STAU2: variants seen among roughly 807,000 people sequenced by gnomAD.
STAU2 encodes double-stranded RNA-binding protein Staufen homolog 2.
In STAU2, 20 loss-of-function variants were observed where a neutral mutation model predicts 65.9. The observed-to-expected ratio is 0.30, with a 90% CI of 0.21 to 0.44. The LOEUF is 0.44. STAU2 is among the 20% of genes least tolerant of loss of function. STAU2 has a pLI of 1.00. For synonymous variants in STAU2, 232 were observed against 233.9 expected (o/e 0.99, Z 0.07); for missense variants, 558 against 683.9 (o/e 0.82, Z 2.05).
At chr8:73,742,948 T>C (rs1806987216) in intron 1 of STAU2, among the ~76,000 whole-genome samples, 1 of 152,156 alleles carries the variant, frequency 6.6e-6, no homozygotes, top group South Asian at 2.1e-4. Context: ...CATCCTACAG[T>C]TGATAGGCAA....
At chr8:73,536,320 G>GA (rs1306933431) in intron 13 of STAU2, among the ~76,000 whole-genome samples, 1 of 152,136 alleles carries the variant, frequency 6.6e-6, no homozygotes, top group Admixed American at 6.5e-5. Context: ...AGCAACTTGA[G>GA]AATGCCAATG....
At chr8:73,438,673 A>C (rs4738356) in intron 13 of STAU2, among the ~76,000 whole-genome samples, 58,489 of 152,166 alleles carry the variant, frequency 0.38, 12,386 homozygotes, top group Admixed American at 0.54. Flanking sequence ...AGCGAGGGCA[A>C]GCTAGATGCT....
Position 73,617,451 on chromosome 8 carries a change from C to T in STAU2, c.411G>A (p.Arg137=), listed in dbSNP as rs1466464197. ...AGATCTTAGGCACTGGGCAATGATA[C>T]CTAAAATAAGAAAATAAAAACATTA... ...NYNFRGMYNQ[R]YHCPVPKIFY... is the part of the protein sequence containing the mutation. The change falls in exon 7 of 15, where the codon AGG becomes AGA. Residue 137 remains arginine (R), a splice_region_variant and synonymous_variant. Coordinates refer to ENST00000524300, the MANE Select transcript of STAU2 (RefSeq NM_001164380.2). 4 of 1,610,220 alleles carry T rather than the reference C, an allele frequency of 2.5e-6. No homozygotes were observed. The highest frequency in any genetic ancestry group is 2.2e-5 in the South Asian group (2 of 90,318).
intron 13 of STAU2, among the ~76,000 whole-genome samples, chr8:73,535,343 G>C (rs1806112076): frequency 6.6e-6 from 1 of 152,040 alleles, no homozygotes; most frequent in Non-Finnish European, 1.5e-5. Flanking sequence ...CTAATTTTTT[G>C]TATTTTTAGT....
chr8:73,579,580 TAA>T lies in STAU2; in HGVS notation c.1222+3188_1222+3189del, dbSNP rs1402793253. Among the ~76,000 whole-genome samples, 6 of 152,192 alleles carry T rather than the reference TAA, an allele frequency of 3.9e-5. 1 individual carries two copies. The highest frequency in any genetic ancestry group is 1.3e-4 in the Admixed American group (2 of 15,276). On this transcript the variant is annotated intron_variant, in intron 12 of 14. Coordinates refer to ENST00000524300, the MANE Select transcript of STAU2 (RefSeq NM_001164380.2). ...ATCTTTAAAATTCATGATCTTTTTT[TAA>T]AAAAGTTATTCATTCATCTGTAAAA...
At chr8:73,670,767 T>TATCAGTAATACATAAA (rs1362311955) in intron 6 of STAU2, among the ~76,000 whole-genome samples, 13 of 152,312 alleles carry the variant, frequency 8.5e-5, no homozygotes, top group African/African-American at 3.1e-4. Context: ...TAAGTTATGG[T>TATCAGTAATACATAAA]ATCAGTAAAT....
chr8:73,483,094 G>A (rs1759933545), intron 13 of STAU2, among the ~76,000 whole-genome samples: 1 of 152,104 alleles, frequency 6.6e-6, no homozygotes, highest in South Asian at 2.1e-4. Context: ...CACAGACTCT[G>A]GAGGGTGGAG....
chr8:73,679,147 G>A (rs1818216663), intron 5 of STAU2, among the ~76,000 whole-genome samples: 1 of 152,168 alleles, frequency 6.6e-6, no homozygotes, highest in Admixed American at 6.5e-5. Context: ...TGGTACTAAA[G>A]TTATAGTAAT....
intron 13 of STAU2, among the ~76,000 whole-genome samples, chr8:73,431,146 A>G (rs1315965915): frequency 6.6e-6 from 1 of 152,258 alleles, no homozygotes; most frequent in South Asian, 2.1e-4. Context: ...CGCAGATTAG[A>G]GAATTTCAAA....
chr8:73,712,546 C>T (rs1216273162), intron 3 of STAU2, among the ~76,000 whole-genome samples: 1 of 152,090 alleles, frequency 6.6e-6, no homozygotes, highest in Non-Finnish European at 1.5e-5. Flanking sequence ...AACAATTACA[C>T]TATCATCAAA....
At position 73,549,200 on chromosome 8, in the gene STAU2, C is replaced by T. The variant is rs536617521; in HGVS notation, c.1530+2812G>A. On this transcript the variant is annotated intron_variant, in intron 13 of 14. Coordinates refer to ENST00000524300, the MANE Select transcript of STAU2 (RefSeq NM_001164380.2). ...AATGTGTAGAAGTTACAGAAGCATACGATTAGGCTGAACAACAAAGTCTGA... is the reference window on the plus strand; with the variant it reads ...AATGTGTAGAAGTTACAGAAGCATATGATTAGGCTGAACAACAAAGTCTGA... Among the ~76,000 whole-genome samples the T allele has an allele frequency of 5.3e-5, 8 of 152,134 alleles. No homozygotes were observed. In the South Asian group the frequency reaches 8.3e-4, roughly 16 times the overall value.
rs1468279553 is a variant in STAU2 at position 73,547,364 on chromosome 8, G to A, written c.1530+4648C>T. On this transcript the variant is annotated intron_variant, in intron 13 of 14. Transcript: ENST00000524300. The stretch of plus-strand genomic sequence containing the variant: ...AAACATAGTATTTTTTTTTTACAGG[G>A]TTTAAAATTTCAGTAAAATGAGCTG... Among the ~76,000 whole-genome samples the A allele has an allele frequency of 2.0e-5, 3 of 151,622 alleles. No homozygotes were observed. In the East Asian group the frequency reaches 5.8e-4, roughly 29 times the overall value.
chr8:73,450,640 A>C (rs1024788418), intron 13 of STAU2, among the ~76,000 whole-genome samples: 2 of 152,240 alleles, frequency 1.3e-5, no homozygotes, highest in African/African-American at 4.8e-5. Flanking sequence ...TTTGATTTTC[A>C]TCATCCTTCT....
chr8:73,640,548 G>A (rs900346849), intron 6 of STAU2, among the ~76,000 whole-genome samples: 4 of 152,112 alleles, frequency 2.6e-5, no homozygotes, highest in Non-Finnish European at 4.4e-5. Flanking sequence ...AGCAGTCATA[G>A]ACAATACATC....
At chr8:73,527,867 TC>T in intron 13 of STAU2, 1 of 1,262,874 alleles carries the variant, frequency 7.9e-7, no homozygotes, top group Non-Finnish European at 1.1e-6. Flanking sequence ...TGCAAATAGG[TC>T]CTTTTGCAAA....
chr8:73,674,108 A>T (rs1420276115), intron 5 of STAU2, among the ~76,000 whole-genome samples: 1 of 148,090 alleles, frequency 6.8e-6, no homozygotes, highest in Non-Finnish European at 1.5e-5. Context: ...TACTTTTTTT[A>T]AAGAATAAAC....
chr8:73,475,678 A>G (rs1820283902), intron 13 of STAU2, among the ~76,000 whole-genome samples: 1 of 152,162 alleles, frequency 6.6e-6, no homozygotes, highest in South Asian at 2.1e-4. Flanking sequence ...CTCATTTAAT[A>G]CTAATTTAGA....
chr8:73,551,844 G>A (rs116944196), intron 13 of STAU2, 168 bp downstream of exon 13: 35,425 of 1,287,652 alleles, frequency 0.028, 833 homozygotes, highest in Admixed American at 0.13. Flanking sequence ...AGAAAATGAG[G>A]CATGTGCATA....
intron 12 of STAU2, among the ~76,000 whole-genome samples, chr8:73,563,655 T>A (rs1404471643): frequency 6.6e-6 from 1 of 152,188 alleles, no homozygotes; most frequent in African/African-American, 2.4e-5. Context: ...TCTACAATTT[T>A]CTCAAAATAA....
Sources: allele counts gnomAD v4.1 joint callset (sites outside exome capture counted in the v4.1 genomes callset), GRCh38; gene constraint gnomAD v4.1.1; transcripts MANE v1.5; gene names NCBI Gene and HGNC (gene_info 2026-07-23, HGNC 2026-07-21).